The following TSPAN18 variants were observed in gnomAD, a reference collection of about 807,000 sequenced individuals.
TSPAN18 encodes tetraspanin 18, also known as tetraspanin-18.
Under a neutral mutation model 27.3 loss-of-function variants are expected in TSPAN18, and 14 were observed. The observed-to-expected ratio is 0.51, with a 90% CI of 0.34 to 0.80. The LOEUF (loss-of-function observed/expected upper bound fraction) is 0.80. Ranked by LOEUF, TSPAN18 falls within the 30% of genes least tolerant of loss-of-function variation. The pLI, the probability that TSPAN18 is intolerant of heterozygous loss-of-function variation, is 0.01. For missense variants in TSPAN18, 268 were observed against 323.9 expected, an observed-to-expected ratio of 0.83 and a Z score of 1.32; for synonymous variants, 143 against 136.5, an observed-to-expected ratio of 1.05 and a Z score of -0.33.
At chr11:44,799,550 A>G (rs1856429612) in intron 2 of TSPAN18, among the ~76,000 whole-genome samples, 1 of 152,184 alleles carries the variant, frequency 6.6e-6, no homozygotes, top group Non-Finnish European at 1.5e-5. Context: ...GGAAGAGGGC[A>G]CTGTGGTGGA....
intron 1 of TSPAN18, among the ~76,000 whole-genome samples, chr11:44,744,979 G>A (rs531547975): frequency 6.6e-6 from 1 of 151,782 alleles, no homozygotes; most frequent in African/African-American, 2.4e-5. Context: ...CGTCTGTCAT[G>A]GTTGGAGGAG....
At chr11:44,875,715 A>G (rs1254334666) in intron 3 of TSPAN18, among the ~76,000 whole-genome samples, 1 of 152,220 alleles carries the variant, frequency 6.6e-6, no homozygotes, top group African/African-American at 2.4e-5. Flanking sequence ...GGCCTCAGAG[A>G]AGTGGCTTCA....
chr11:44,784,571 A>G (rs1017187525), intron 2 of TSPAN18, among the ~76,000 whole-genome samples: 8 of 152,286 alleles, frequency 5.3e-5, no homozygotes, highest in Middle Eastern at 3.4e-3. Flanking sequence ...TCACAGTGTA[A>G]TGCAATACTG....
intron 3 of TSPAN18, among the ~76,000 whole-genome samples, chr11:44,895,868 C>T (rs1015043201): frequency 2.6e-5 from 4 of 152,172 alleles, no homozygotes; most frequent in Admixed American, 2.6e-4. Flanking sequence ...CCCATCACCC[C>T]GTCCTTGTTT....
At position 44,835,920 on chromosome 11, in the gene TSPAN18, C is replaced by T. The variant is rs183506441; in HGVS notation, c.-152-24408C>T. Among the ~76,000 whole-genome samples the T allele has an allele frequency of 4.1e-4, 63 of 152,234 alleles. 1 individual carries two copies. In the East Asian group the frequency reaches 6.0e-3, roughly 14 times the overall value. ...TTGTTTGGGGACATCACAAGCTGCA[C>T]CCTTATATGATGGTGGATTTAATTA... On this transcript the variant is annotated intron_variant, in intron 2 of 9. Transcript: ENST00000520358.
chr11:44,922,003 T>G (rs1860155972), intron 8 of TSPAN18, among the ~76,000 whole-genome samples: 1 of 152,204 alleles, frequency 6.6e-6, no homozygotes, highest in South Asian at 2.1e-4. Context: ...GGGGTTTCTT[T>G]GCTGAGACAT....
At chr11:44,780,153 A>C (rs763959588) in intron 2 of TSPAN18, among the ~76,000 whole-genome samples, 7 of 151,910 alleles carry the variant, frequency 4.6e-5, no homozygotes, top group Non-Finnish European at 1.0e-4. Context: ...TTTCCTTCAG[A>C]TTCATTCACT....
At chr11:44,792,288 T>A (rs1362758175) in intron 2 of TSPAN18, among the ~76,000 whole-genome samples, 1 of 151,988 alleles carries the variant, frequency 6.6e-6, no homozygotes, top group Non-Finnish European at 1.5e-5. Context: ...GTTGAGGAAG[T>A]GAGGGAACAG....
chr11:44,891,416 C>T (rs1031517527), intron 3 of TSPAN18, among the ~76,000 whole-genome samples: 2 of 152,078 alleles, frequency 1.3e-5, no homozygotes, highest in Non-Finnish European at 2.9e-5. Flanking sequence ...TACAGGTCAG[C>T]GGAGAGTGGA....
intron 2 of TSPAN18, among the ~76,000 whole-genome samples, chr11:44,783,112 G>A (rs1015643041): frequency 6.6e-6 from 1 of 152,148 alleles, no homozygotes; most frequent in Non-Finnish European, 1.5e-5. Flanking sequence ...ACAGGTGTGA[G>A]CCATCACACA....
At chr11:44,828,294 A>G (rs1198298825) in intron 2 of TSPAN18, among the ~76,000 whole-genome samples, 1 of 152,092 alleles carries the variant, frequency 6.6e-6, no homozygotes, top group Non-Finnish European at 1.5e-5. Context: ...TCTCTTATTG[A>G]CTGATTGCTG....
intron 9 of TSPAN18, 50 bp downstream of exon 9, chr11:44,926,807 G>A: frequency 6.3e-7 from 1 of 1,590,486 alleles, no homozygotes; most frequent in Non-Finnish European, 8.6e-7. Context: ...AGCCTCACGT[G>A]GAGCCTAGGC....
intron 2 of TSPAN18, among the ~76,000 whole-genome samples, chr11:44,775,599 G>A (rs1855787851): frequency 6.6e-6 from 1 of 152,120 alleles, no homozygotes; most frequent in Admixed American, 6.5e-5. Flanking sequence ...TCTAGTGGCG[G>A]GGGTGGGAGG....
intron 3 of TSPAN18, among the ~76,000 whole-genome samples, chr11:44,875,121 G>T (rs115426360): frequency 6.6e-6 from 1 of 152,172 alleles, no homozygotes; most frequent in African/African-American, 2.4e-5. Context: ...ATTCTCCCCC[G>T]TGGGGCCCTC....
intron 1 of TSPAN18, among the ~76,000 whole-genome samples, chr11:44,735,947 C>T (rs555310684): frequency 2.0e-5 from 3 of 152,278 alleles, no homozygotes; most frequent in Non-Finnish European, 4.4e-5. Context: ...ATTATATCTG[C>T]GAAGTTCCTG....
rs571787436 is a variant in TSPAN18 at position 44,730,319 on chromosome 11, C to T, written c.-240+3032C>T. ...CTTCTTGGGAAGAGCCCTTTCAGTT[C>T]CTGGGGTGCAGGTTTTAGGGACCTC... On this transcript the variant is annotated intron_variant, in intron 1 of 9. Transcript: ENST00000520358. Among the ~76,000 whole-genome samples, 4 of 152,292 alleles carry T rather than the reference C, an allele frequency of 2.6e-5. No individual in the cohort carries two copies. In the South Asian group the frequency reaches 8.3e-4, roughly 32 times the overall value.
At chr11:44,735,273 C>A (rs1438193778) in intron 1 of TSPAN18, among the ~76,000 whole-genome samples, 2 of 152,238 alleles carry the variant, frequency 1.3e-5, no homozygotes, top group Non-Finnish European at 2.9e-5. Context: ...AGGGCAGCAG[C>A]TCTGAGGCAG....
At chr11:44,856,124 C>G (rs960858366) in intron 2 of TSPAN18, among the ~76,000 whole-genome samples, 6 of 152,044 alleles carry the variant, frequency 3.9e-5, no homozygotes, top group African/African-American at 1.4e-4. Context: ...ACCTCATGAT[C>G]TACCCGCCTC....
chr11:44,758,293 C>T (rs1480241160), intron 1 of TSPAN18, among the ~76,000 whole-genome samples: 1 of 152,118 alleles, frequency 6.6e-6, no homozygotes, highest in Non-Finnish European at 1.5e-5. Context: ...GCTTTATGCA[C>T]CATTTGATAT....
Sources: allele counts gnomAD v4.1 joint callset (sites outside exome capture counted in the v4.1 genomes callset), GRCh38; gene constraint gnomAD v4.1.1; transcripts MANE v1.5; gene names NCBI Gene and HGNC (gene_info 2026-07-23, HGNC 2026-07-21).